The following NUP155 variants were observed in gnomAD, a reference collection of about 807,000 sequenced individuals.
The protein encoded by NUP155 is nuclear pore complex protein Nup155.
Under a neutral mutation model 180.4 loss-of-function variants are expected in NUP155, and 71 were observed. That is an observed-to-expected ratio of 0.39 (90% CI 0.33 to 0.48). The LOEUF (loss-of-function observed/expected upper bound fraction) is 0.48, where lower values mean the gene tolerates loss of function less well. Ranked by LOEUF, NUP155 falls within the 20% of genes least tolerant of loss-of-function variation. The pLI, the probability that NUP155 is intolerant of heterozygous loss-of-function variation, is 0.91. For synonymous variants in NUP155, 582 were observed against 559.5 expected, an observed-to-expected ratio of 1.04 and a Z score of -0.57; for missense variants, 1,553 against 1,648.9, an observed-to-expected ratio of 0.94 and a Z score of 1.01.
intron 21 of NUP155, among the ~76,000 whole-genome samples, chr5:37,314,824 A>G (rs1581149176): frequency 6.6e-6 from 1 of 152,330 alleles, no homozygotes; most frequent in East Asian, 1.9e-4. Context: ...AAAGAGAGAC[A>G]AAAAATTTAA....
chr5:37,349,071 T>C (rs1052052438), intron 8 of NUP155, 101 bp downstream of exon 8: 7 of 342,704 alleles, frequency 2.0e-5, no homozygotes, highest in Non-Finnish European at 3.3e-5. Context: ...TTTTTTTTTT[T>C]AGTTACACAG....
intron 1 of NUP155, 74 bp from the exon 2 acceptor site, chr5:37,364,458 C>CA (rs1366753548): frequency 4.4e-6 from 6 of 1,366,018 alleles, no homozygotes; most frequent in Non-Finnish European, 6.3e-6. Context: ...TTGAGTGCCA[C>CA]AAAAAAATTG....
At chr5:37,333,790 A>G (rs1745135026) in intron 12 of NUP155, among the ~76,000 whole-genome samples, 157 bp from the exon 13 acceptor site, 1 of 151,928 alleles carries the variant, frequency 6.6e-6, no homozygotes, top group Non-Finnish European at 1.5e-5. Flanking sequence ...TTTTTTTTAA[A>G]TCAGGTATTT....
At chr5:37,365,652 G>A (rs1199398822) in intron 1 of NUP155, among the ~76,000 whole-genome samples, 4 of 140,860 alleles carry the variant, frequency 2.8e-5, no homozygotes, top group Non-Finnish European at 4.5e-5. Flanking sequence ...AGGCAGCAGT[G>A]AGCCAAGATC....
chr5:37,304,735 T>A lies in NUP155; in HGVS notation c.3162+4A>T. The stretch of plus-strand genomic sequence containing the variant: ...TAACACAACTGCAATAAAAAAAGAT[T>A]TACCTGTAGCAGCTTATCTGCAAGG... On this transcript the variant is annotated splice_donor_region_variant and intron_variant, in intron 27 of 34. Transcript: ENST00000231498. The A allele has an allele frequency of 6.3e-7, 1 of 1,578,098 alleles. No homozygotes were observed. The highest frequency in any genetic ancestry group is 1.1e-5 in the South Asian group (1 of 90,308).
intron 9 of NUP155, among the ~76,000 whole-genome samples, chr5:37,343,914 A>C (rs1318204522): frequency 6.6e-6 from 1 of 152,114 alleles, no homozygotes; most frequent in Non-Finnish European, 1.5e-5. Flanking sequence ...AAGGGAGAAA[A>C]TGGATCTTTA....
At chr5:37,339,504 T>C (rs537147325) in intron 11 of NUP155, among the ~76,000 whole-genome samples, 2 of 152,086 alleles carry the variant, frequency 1.3e-5, no homozygotes, top group East Asian at 1.9e-4. Flanking sequence ...GGCACATGCC[T>C]GTAGTCCCAA....
intron 11 of NUP155, among the ~76,000 whole-genome samples, chr5:37,338,891 T>A (rs114467981): frequency 0.013 from 2,039 of 152,186 alleles, 42 homozygotes; most frequent in African/African-American, 0.046. Context: ...AATGGGTTTA[T>A]CAATTTAATT....
intron 30 of NUP155, among the ~76,000 whole-genome samples, chr5:37,300,840 T>G (rs1002841233): frequency 2.7e-5 from 4 of 148,844 alleles, no homozygotes; most frequent in East Asian, 2.0e-4. Flanking sequence ...TTTTTTTTTT[T>G]GATGGAGTCT....
At chr5:37,314,419 G>A in intron 21 of NUP155, 91 bp from the exon 22 acceptor site, 1 of 990,178 alleles carries the variant, frequency 1.0e-6, no homozygotes, top group African/African-American at 1.6e-5. Flanking sequence ...TGAAATCCCT[G>A]TTGTTTTCTT....
chr5:37,344,346 A>T (rs1398363772), intron 9 of NUP155, among the ~76,000 whole-genome samples: 1 of 142,818 alleles, frequency 7.0e-6, no homozygotes, highest in Non-Finnish European at 1.5e-5. Flanking sequence ...TGTCTCAAAG[A>T]AAAAAAAAAA....
At chr5:37,330,216 T>C (rs1744869228) in intron 14 of NUP155, 84 bp from the exon 15 acceptor site, 1 of 924,756 alleles carries the variant, frequency 1.1e-6, no homozygotes, top group Admixed American at 2.0e-5. Flanking sequence ...TATTAAAGTC[T>C]GTATCTAGCA....
intron 1 of NUP155, among the ~76,000 whole-genome samples, chr5:37,366,325 A>AAT (rs1747581734): frequency 2.0e-5 from 3 of 152,342 alleles, no homozygotes; most frequent in East Asian, 3.9e-4. Flanking sequence ...AAATTTTTAA[A>AAT]ATATATATAA....
chr5:37,327,918 C>T, intron 17 of NUP155, 142 bp from the exon 18 acceptor site: 1 of 848,228 alleles, frequency 1.2e-6, no homozygotes, highest in Non-Finnish European at 1.9e-6. Context: ...GTTTGTGTAT[C>T]TAGACACAAA....
intron 6 of NUP155, 138 bp from the exon 7 acceptor site, chr5:37,350,403 A>C: frequency 1.6e-6 from 1 of 641,216 alleles, no homozygotes; most frequent in Non-Finnish European, 2.8e-6. Context: ...TATAATCAAC[A>C]AAACGAGACA....
intron 9 of NUP155, among the ~76,000 whole-genome samples, chr5:37,343,334 A>C (rs933581770): frequency 3.3e-5 from 5 of 152,128 alleles, no homozygotes; most frequent in Non-Finnish European, 7.4e-5. Context: ...TTGGCCTCCC[A>C]AAGTGCTGGC....
intron 32 of NUP155, among the ~76,000 whole-genome samples, chr5:37,295,136 C>A (rs183954231): frequency 2.6e-5 from 4 of 152,328 alleles, no homozygotes; most frequent in Non-Finnish European, 5.9e-5. Flanking sequence ...CGGCTCACTG[C>A]AACCTCCCTG....
At chr5:37,350,531 A>G (rs1417436517) in intron 6 of NUP155, among the ~76,000 whole-genome samples, 1 of 152,166 alleles carries the variant, frequency 6.6e-6, no homozygotes, top group East Asian at 1.9e-4. Context: ...GGCTGGGCAC[A>G]GTGGCTCGCA....
At chr5:37,334,316 T>C (rs2150969825) in intron 12 of NUP155, among the ~76,000 whole-genome samples, 1 of 152,134 alleles carries the variant, frequency 6.6e-6, no homozygotes, top group East Asian at 1.9e-4. Flanking sequence ...TTGCCCAGGA[T>C]GTTCTCGAAC....
Sources: gnomAD v4.1 joint callset for allele counts (sites outside exome capture counted in the v4.1 genomes callset) on GRCh38, gnomAD v4.1.1 for gene constraint, MANE v1.5 for transcripts, NCBI Gene and HGNC (gene_info 2026-07-23, HGNC 2026-07-21) for gene names.